CLNK: variants seen among roughly 807,000 people sequenced by gnomAD.
CLNK encodes cytokine-dependent hematopoietic cell linker.
CLNK carries 74 observed loss-of-function variants against 68.6 expected under a neutral mutation model. The observed-to-expected ratio is 1.08, with a 90% CI of 0.89 to 1.31. The LOEUF is 1.31. Ranked by LOEUF, CLNK falls within the 50% of genes most tolerant of loss-of-function variation. The pLI, the probability that CLNK is intolerant of heterozygous loss-of-function variation, is 0.00. For missense variants in CLNK, 553 were observed against 515.3 expected (o/e 1.07, Z -0.71); for synonymous variants, 198 against 172.2 (o/e 1.15, Z -1.17).
In CLNK at chr4:10,538,179, G is replaced by GAGTGC. The variant is rs563092730; in HGVS notation, c.602+2310_602+2314dup. Among the ~76,000 whole-genome samples, 282 of 152,162 alleles carry GAGTGC rather than the reference G, an allele frequency of 1.9e-3. 2 individuals are homozygous for GAGTGC. The South Asian group carries it at 0.02, about 11-fold the overall frequency. On this transcript the variant is annotated intron_variant, in intron 11 of 18. Transcript: ENST00000226951. ...TGCCCTCTGTCGCCCTCTGTCGCTG[G>GAGTGC]AGTGCAGTGGTGCAATCTTGGCTCA... is the stretch of plus-strand genomic sequence containing the variant.
the CLNK span, among the ~76,000 whole-genome samples, chr4:10,723,494 T>A: frequency 2.6e-5 from 4 of 152,200 alleles, no homozygotes; most frequent in African/African-American, 7.2e-5. Context: ...TAGGCTCTTG[T>A]CTCAGAAGTG....
chr4:10,695,749 CG>C, the CLNK span, among the ~76,000 whole-genome samples: 1 of 152,136 alleles, frequency 6.6e-6, no homozygotes, highest in Non-Finnish European at 1.5e-5. Flanking sequence ...ATAATGAAGA[CG>C]GAAGAGGAGA....
At chr4:10,523,633 C>A (rs750471164) in intron 14 of CLNK, among the ~76,000 whole-genome samples, 11 of 152,058 alleles carry the variant, frequency 7.2e-5, no homozygotes, top group Non-Finnish European at 1.5e-4. Flanking sequence ...AGAAGTGAAA[C>A]CACATCAAAT....
the CLNK span, among the ~76,000 whole-genome samples, chr4:10,722,355 G>A: frequency 6.6e-6 from 1 of 152,154 alleles, no homozygotes; most frequent in African/African-American, 2.4e-5. Context: ...CACCAACATG[G>A]CTCCAACATC....
chr4:10,708,990 A>C, the CLNK span, among the ~76,000 whole-genome samples: 1 of 152,324 alleles, frequency 6.6e-6, no homozygotes, highest in East Asian at 1.9e-4. Context: ...TGGCTTAACA[A>C]ATCAATTGAG....
chr4:10,556,746 A>G (rs918415120), intron 8 of CLNK, among the ~76,000 whole-genome samples: 1 of 152,132 alleles, frequency 6.6e-6, no homozygotes, highest in Non-Finnish European at 1.5e-5. Context: ...CTTTCTCTAC[A>G]TAATTCACCA....
At chr4:10,525,634 C>T (rs1718283366) in intron 14 of CLNK, among the ~76,000 whole-genome samples, 1 of 152,198 alleles carries the variant, frequency 6.6e-6, no homozygotes, top group Non-Finnish European at 1.5e-5. Context: ...TTCTTTAACA[C>T]TCAATCAATC....
intron 18 of CLNK, among the ~76,000 whole-genome samples, chr4:10,496,824 G>A (rs1346160647): frequency 6.6e-6 from 1 of 152,150 alleles, no homozygotes; most frequent in African/African-American, 2.4e-5. Context: ...GGTTTACATA[G>A]GGCGAACACC....
intron 2 of CLNK, among the ~76,000 whole-genome samples, chr4:10,616,709 T>A (rs951006725): frequency 6.6e-6 from 1 of 151,622 alleles, no homozygotes; most frequent in African/African-American, 2.4e-5. Flanking sequence ...TATTTCATTA[T>A]TATTTGTAAA....
At chr4:10,728,130 G>A in the CLNK span, among the ~76,000 whole-genome samples, 2 of 152,174 alleles carry the variant, frequency 1.3e-5, no homozygotes, top group Non-Finnish European at 2.9e-5. Flanking sequence ...CAGGGCTACT[G>A]CTGAACATCC....
At chr4:10,547,221 G>T (rs1037049790) in intron 8 of CLNK, among the ~76,000 whole-genome samples, 3 of 152,170 alleles carry the variant, frequency 2.0e-5, no homozygotes, top group Non-Finnish European at 2.9e-5. Context: ...GATGGCAGAG[G>T]TGGGAGAGTG....
intron 13 of CLNK, 97 bp downstream of exon 13, chr4:10,527,975 CCAAA>C (rs1219939354): frequency 1.7e-6 from 1 of 595,094 alleles, no homozygotes; most frequent in Non-Finnish European, 2.6e-6. Context: ...TCCCAGGCTT[CCAAA>C]CAATCAATCC....
the CLNK span, among the ~76,000 whole-genome samples, chr4:10,734,112 T>A: frequency 6.6e-6 from 1 of 152,244 alleles, no homozygotes; most frequent in Non-Finnish European, 1.5e-5. Context: ...TATCTCATTT[T>A]TTTCCCTAGA....
chr4:10,591,400 T>C (rs1313349588), intron 3 of CLNK, among the ~76,000 whole-genome samples: 1 of 152,240 alleles, frequency 6.6e-6, no homozygotes, highest in Non-Finnish European at 1.5e-5. Flanking sequence ...AGAATGCAAC[T>C]GGAATTCTCA....
intron 12 of CLNK, 27 bp downstream of exon 12, chr4:10,532,228 TG>T (rs1560204291): frequency 3.1e-6 from 5 of 1,588,990 alleles, no homozygotes; most frequent in Non-Finnish European, 4.3e-6. Flanking sequence ...TTCCCTTCTT[TG>T]CTTCCAAGGA....
the CLNK span, among the ~76,000 whole-genome samples, chr4:10,701,278 C>T: frequency 6.6e-6 from 1 of 152,204 alleles, no homozygotes. Flanking sequence ...TGAAATCTCC[C>T]GCTTAAAAGT....
At chr4:10,714,606 G>A in the CLNK span, among the ~76,000 whole-genome samples, 1 of 151,944 alleles carries the variant, frequency 6.6e-6, no homozygotes, top group Non-Finnish European at 1.5e-5. Context: ...CAAAAATCAG[G>A]ACAGCAGCTG....
chr4:10,560,029 A>G (rs1719826830), intron 7 of CLNK, among the ~76,000 whole-genome samples: 1 of 152,146 alleles, frequency 6.6e-6, no homozygotes, highest in African/African-American at 2.4e-5. Flanking sequence ...GGGGGCAAAA[A>G]CTTTCCATGG....
Position 10,654,384 on chromosome 4 carries a change from AAT to A in CLNK, c.11+13473_11+13474del, listed in dbSNP as rs71281268. 7.0e-3 allele frequency among the ~76,000 whole-genome samples: 585 copies of A among 84,122 alleles called. 62 individuals carry two copies. Among genetic ancestry groups the A allele is most frequent in the South Asian group, 0.026 (70 of 2,678 alleles). The allele number at this position is 84,122 out of a possible 152,430, so 55.2% of individuals were successfully genotyped here. On this transcript the variant is annotated intron_variant, in intron 2 of 18. Coordinates refer to ENST00000226951, the MANE Select transcript of CLNK (RefSeq NM_052964.4). ...TATATAGATAAATATATATTGATTA[AAT>A]ATATATATATATATATAGAAAGTCT...
Sources: allele counts gnomAD v4.1 joint callset (sites outside exome capture counted in the v4.1 genomes callset), GRCh38; gene constraint gnomAD v4.1.1; transcripts MANE v1.5; gene names NCBI Gene and HGNC (gene_info 2026-07-23, HGNC 2026-07-21).